The following CAST variants were observed in gnomAD, a reference collection of about 807,000 sequenced individuals.
CAST encodes calpastatin, also known as MIR583 host.
A neutral mutation model predicts 119.6 loss-of-function variants in CAST; 76 were observed. That is an observed-to-expected ratio of 0.64 (90% CI 0.53 to 0.77). The LOEUF is 0.77. Ranked by LOEUF, CAST falls within the 30% of genes least tolerant of loss-of-function variation. CAST has a pLI of 0.00. For synonymous variants in CAST, 319 were observed against 331.6 expected (o/e 0.96, Z 0.41); for missense variants, 953 against 946.5 (o/e 1.01, Z -0.09).
intron 2 of CAST, among the ~76,000 whole-genome samples, chr5:96,685,667 A>T (rs1047889958): frequency 6.6e-6 from 1 of 152,138 alleles, no homozygotes; most frequent in Non-Finnish European, 1.5e-5. Context: ...TCTGTTTCTC[A>T]TTTTTCAGGA....
chr5:96,049,889 C>CAAAAAAAAAAAAAAAAAAAAAAAGA, the CAST span, among the ~76,000 whole-genome samples: 1 of 34,188 alleles, frequency 2.9e-5, no homozygotes, highest in African/African-American at 1.0e-4. Flanking sequence ...GAACAGGAGG[C>CAAAAAAAAAAAAAAAAAAAAAAAGA]AAAAAAAAAA....
At chr5:96,176,108 AAG>A in the CAST span, among the ~76,000 whole-genome samples, 1 of 152,184 alleles carries the variant, frequency 6.6e-6, no homozygotes, top group Non-Finnish European at 1.5e-5. Context: ...CTGAAGGACA[AAG>A]AGAATTTTCC....
At position 96,722,746 on chromosome 5, in the gene CAST, T is replaced by C. The variant is rs771611712; in HGVS notation, c.270+48T>C. 4.4e-6 allele frequency: 6 copies of C among 1,348,538 alleles called. No individual in the cohort carries two copies. The Admixed American group carries it at 8.4e-5, about 19-fold the overall frequency. The allele number at this position is 1,348,538 out of a possible 1,614,324, so 83.5% of individuals were successfully genotyped here. On this transcript the variant is annotated intron_variant, in intron 4 of 31. Coordinates refer to ENST00000675179, the MANE Select transcript of CAST (RefSeq NM_001750.7). The stretch of plus-strand genomic sequence containing the variant: ...GAGTGCTAATTTAAGTTGATTGTGC[T>C]GCAAAGCAAAACAAATGTAGACTAA...
Position 96,729,473 on chromosome 5 carries a change from A to G in CAST, c.436-139A>G. The stretch of plus-strand genomic sequence containing the variant: ...GTACATCACACTAATTGAAATTTAC[A>G]TAATTTAGAACCACAGACAGCACAA... On this transcript the variant is annotated intron_variant, in intron 7 of 31. Coordinates refer to ENST00000675179, the MANE Select transcript of CAST (RefSeq NM_001750.7). 3.9e-5 allele frequency: 24 copies of G among 621,278 alleles called. 1 individual carries two copies. The South Asian group carries it at 4.8e-4, about 12-fold the overall frequency. The allele number at this position is 621,278 out of a possible 1,614,324, so 38.5% of individuals were successfully genotyped here.
intron 11 of CAST, among the ~76,000 whole-genome samples, chr5:96,739,471 A>G (rs1762265750): frequency 6.6e-6 from 1 of 152,238 alleles, no homozygotes; most frequent in African/African-American, 2.4e-5. Flanking sequence ...AGAATATGAT[A>G]CCATTTATAT....
At chr5:96,721,313 G>C (rs1013901648) in intron 3 of CAST, among the ~76,000 whole-genome samples, 10 of 152,292 alleles carry the variant, frequency 6.6e-5, no homozygotes, top group Middle Eastern at 3.4e-3. Flanking sequence ...TTGGATTTCT[G>C]TCTGTAAATT....
chr5:96,483,692 C>A, the CAST span, among the ~76,000 whole-genome samples: 1 of 151,980 alleles, frequency 6.6e-6, no homozygotes, highest in East Asian at 1.9e-4. Flanking sequence ...ACATGATAGG[C>A]TTTTTGTTGA....
chr5:96,463,733 C>T, the CAST span, among the ~76,000 whole-genome samples: 1 of 151,662 alleles, frequency 6.6e-6, no homozygotes, highest in Non-Finnish European at 1.5e-5. Flanking sequence ...TCCCACAGAT[C>T]GATTTCACCC....
At chr5:96,224,868 A>G in the CAST span, among the ~76,000 whole-genome samples, 6,710 of 152,292 alleles carry the variant, frequency 0.044, 511 homozygotes, top group African/African-American at 0.15. Flanking sequence ...TGACTTACAC[A>G]TGAGTTTCAG....
chr5:96,658,946 G>A (rs1748202678), upstream of CAST, among the ~76,000 whole-genome samples: 1 of 152,190 alleles, frequency 6.6e-6, no homozygotes, highest in African/African-American at 2.4e-5. Context: ...ATGCGATGTG[G>A]TATCTACCTG....
At chr5:96,106,879 A>C in the CAST span, among the ~76,000 whole-genome samples, 1 of 134,440 alleles carries the variant, frequency 7.4e-6, no homozygotes, top group African/African-American at 2.9e-5. Context: ...TAGGTCACTC[A>C]GGACTTGCTT....
chr5:96,372,539 C>T, the CAST span, among the ~76,000 whole-genome samples: 1 of 152,048 alleles, frequency 6.6e-6, no homozygotes, highest in Non-Finnish European at 1.5e-5. Context: ...GGGACTGCTG[C>T]ATTGGTCATA....
chr5:96,067,668 A>G, the CAST span, among the ~76,000 whole-genome samples: 1 of 152,154 alleles, frequency 6.6e-6, no homozygotes, highest in South Asian at 2.1e-4. Flanking sequence ...ATAACTGACA[A>G]TCAGCCTCCT....
At chr5:96,086,195 G>C in the CAST span, among the ~76,000 whole-genome samples, 2 of 151,652 alleles carry the variant, frequency 1.3e-5, no homozygotes, top group South Asian at 4.2e-4. Flanking sequence ...TTGTATTATT[G>C]GTTTTTATTT....
At chr5:96,221,794 A>G in the CAST span, among the ~76,000 whole-genome samples, 1 of 152,148 alleles carries the variant, frequency 6.6e-6, no homozygotes, top group Non-Finnish European at 1.5e-5. Context: ...GAGCCAGAAG[A>G]GTCAAAGGAA....
chr5:96,698,773 G>A (rs572450739), intron 3 of CAST, among the ~76,000 whole-genome samples: 1 of 152,302 alleles, frequency 6.6e-6, no homozygotes, highest in Admixed American at 6.5e-5. Flanking sequence ...GTGGTAGATA[G>A]AATTGGAAGT....
the CAST span, among the ~76,000 whole-genome samples, chr5:96,157,485 C>T: frequency 6.6e-6 from 1 of 152,238 alleles, no homozygotes; most frequent in South Asian, 2.1e-4. Flanking sequence ...TACTCACTGG[C>T]ACTAAAGGTG....
At chr5:96,071,955 C>G in the CAST span, among the ~76,000 whole-genome samples, 2 of 152,066 alleles carry the variant, frequency 1.3e-5, no homozygotes, top group African/African-American at 4.8e-5. Context: ...ATATTACTCT[C>G]TCTACTTTTA....
At chr5:96,660,457 T>G (rs1442101599), upstream of CAST, among the ~76,000 whole-genome samples, 2 of 152,244 alleles carry the variant, frequency 1.3e-5, no homozygotes, top group Admixed American at 6.5e-5. Flanking sequence ...CTACTAGTCC[T>G]TTCACAATGT....
Sources: gnomAD v4.1 joint callset for allele counts (sites outside exome capture counted in the v4.1 genomes callset) on GRCh38, gnomAD v4.1.1 for gene constraint, MANE v1.5 for transcripts, NCBI Gene and HGNC (gene_info 2026-07-23, HGNC 2026-07-21) for gene names.